ARL13B: variants seen among roughly 807,000 people sequenced by gnomAD.
ARL13B encodes the protein ARF like GTPase 13B.
A neutral mutation model predicts 56.1 loss-of-function variants in ARL13B; 36 were observed. The ratio of observed to expected loss-of-function variants is 0.64; its 90% CI spans 0.49 to 0.85. The LOEUF (loss-of-function observed/expected upper bound fraction) is 0.85. Ranked by LOEUF, ARL13B falls within the 40% of genes least tolerant of loss-of-function variation. The probability of loss-of-function intolerance (pLI) is 0.00; values close to 1 mark genes in which losing one functional copy is unlikely to be tolerated. For missense variants in ARL13B, 519 were observed against 507.1 expected, an observed-to-expected ratio of 1.02 and a Z score of -0.23; for synonymous variants, 178 against 171.1, an observed-to-expected ratio of 1.04 and a Z score of -0.32.
intron 2 of ARL13B, 28 bp downstream of exon 2, chr3:93,995,972 T>C: frequency 6.3e-7 from 1 of 1,598,402 alleles, no homozygotes; most frequent in South Asian, 1.1e-5. Flanking sequence ...ATGTGCTTTC[T>C]GAACTCTATT....
intron 3 of ARL13B, among the ~76,000 whole-genome samples, chr3:94,012,316 G>T (rs1437298797): frequency 6.6e-6 from 1 of 152,136 alleles, no homozygotes; most frequent in Non-Finnish European, 1.5e-5. Context: ...AGTCATTTCA[G>T]ATTCTCTGGA....
At position 94,006,107 on chromosome 3, in the gene ARL13B, C is replaced by G. The variant is rs2076129879; in HGVS notation, c.380+2199C>G. 2.6e-5 allele frequency among the ~76,000 whole-genome samples: 4 copies of G among 152,102 alleles called. No individual in the cohort carries two copies. The South Asian group carries it at 8.3e-4, about 32-fold the overall frequency. ...CGAGGTCAGGAGGATCGAGACCATC[C>G]TGGCTAACATGGTGAAACTCTGTCT... is the stretch of plus-strand genomic sequence containing the variant. On this transcript the variant is annotated intron_variant, in intron 3 of 9. Transcript: ENST00000394222.
chr3:94,000,963 G>A (rs2107418642), intron 2 of ARL13B, among the ~76,000 whole-genome samples: 1 of 152,250 alleles, frequency 6.6e-6, no homozygotes, highest in East Asian at 1.9e-4. Flanking sequence ...AAGGGTGGAT[G>A]TATGGGACAG....
chr3:94,034,962 A>G (rs2076740764), intron 3 of ARL13B, among the ~76,000 whole-genome samples: 1 of 152,188 alleles, frequency 6.6e-6, no homozygotes, highest in Admixed American at 6.5e-5. Flanking sequence ...CAGGCCAGGC[A>G]TGGTGGATGA....
At chr3:93,998,342 T>G (rs1236721791) in intron 2 of ARL13B, among the ~76,000 whole-genome samples, 1 of 152,232 alleles carries the variant, frequency 6.6e-6, no homozygotes, top group Non-Finnish European at 1.5e-5. Context: ...CTTTCTCTTA[T>G]GTATTCCACC....
chr3:93,991,174 C>G (rs1452141223), intron 1 of ARL13B, among the ~76,000 whole-genome samples: 1 of 152,106 alleles, frequency 6.6e-6, no homozygotes, highest in East Asian at 1.9e-4. Context: ...GATTTTATTG[C>G]TAGTGTCAAC....
At chr3:93,984,589 AAAC>A (rs1471527681) in intron 1 of ARL13B, among the ~76,000 whole-genome samples, 1 of 152,150 alleles carries the variant, frequency 6.6e-6, no homozygotes, top group African/African-American at 2.4e-5. Flanking sequence ...CTTTCATTAA[AAAC>A]AAATTTGTGT....
rs572565080 is a variant in ARL13B, at chr3:94,050,996, G to T, written c.1210+104G>T. On this transcript the variant is annotated intron_variant, in intron 9 of 9. Transcript: ENST00000394222. ...ACTTATGTTTTAGTTTTAGAAGCTTGTCAAATCCACAGCTATCCTTTTTCA... is the reference window on the plus strand; with the variant it reads ...ACTTATGTTTTAGTTTTAGAAGCTTTTCAAATCCACAGCTATCCTTTTTCA... 5,487 of 1,055,328 alleles carry T rather than the reference G, an allele frequency of 5.2e-3. 27 individuals are homozygous for T. Among genetic ancestry groups the T allele is most frequent in the Non-Finnish European group, 6.9e-3 (4,883 of 707,040 alleles). 65.4% of individuals were successfully genotyped at this position (1,055,328 alleles called of 1,614,324 possible). A position where few individuals can be genotyped will look rare whatever the true frequency, so the allele number is the denominator to read the frequency against.
At chr3:94,040,961 A>G (rs1050918648) in intron 6 of ARL13B, among the ~76,000 whole-genome samples, 1 of 152,192 alleles carries the variant, frequency 6.6e-6, no homozygotes, top group African/African-American at 2.4e-5. Context: ...ACGACATAGT[A>G]TATATCACAT....
chr3:94,009,317 A>G (rs9990106), intron 3 of ARL13B, among the ~76,000 whole-genome samples: 6,709 of 152,102 alleles, frequency 0.044, 235 homozygotes, highest in African/African-American at 0.097. Context: ...TACTTTTTCA[A>G]CATGAGATTT....
chr3:93,983,373 T>G (rs1710305706), intron 1 of ARL13B, among the ~76,000 whole-genome samples: 1 of 152,226 alleles, frequency 6.6e-6, no homozygotes, highest in African/African-American at 2.4e-5. Flanking sequence ...GGGTTTGGTA[T>G]GGCCCCATTC....
intron 1 of ARL13B, among the ~76,000 whole-genome samples, chr3:93,990,459 A>G (rs1486009181): frequency 2.0e-5 from 3 of 152,176 alleles, no homozygotes; most frequent in Admixed American, 1.3e-4. Flanking sequence ...TTTATGTTGT[A>G]TATACAATAG....
At chr3:94,009,095 A>AGATC (rs1476397235) in intron 3 of ARL13B, among the ~76,000 whole-genome samples, 8 of 151,628 alleles carry the variant, frequency 5.3e-5, no homozygotes, top group African/African-American at 1.9e-4. Context: ...ATAGATAGAT[A>AGATC]GATAGATAGA....
In ARL13B at chr3:94,049,508, C is replaced by A. The variant is rs1174703109; in HGVS notation, c.1127C>A (p.Pro376Gln). 2.5e-6 allele frequency: 4 copies of A among 1,603,482 alleles called. No individual in the cohort carries two copies. Among genetic ancestry groups the A allele is most frequent in the Non-Finnish European group, 3.4e-6 (4 of 1,172,142 alleles). Residue 376 changes from proline (P) to glutamine (Q), a missense_variant, in exon 8 of 10, where the codon CCA (proline) becomes CAA (glutamine). Pro to Gln is a moderately conservative substitution (Grantham distance 76). Coordinates refer to ENST00000394222, the MANE Select transcript of ARL13B (RefSeq NM_001174150.2). ...GCTCCTGAGAGTCCAACGCCACCCC[C>A]ACCCCCTCCTCCTGGTGAGTAAATT... The part of the protein sequence containing the change: ...DCAPESPTPP[P>Q]PPPPVGWGTP...
chr3:94,055,613 AT>A lies in ARL13B; in HGVS notation c.*2352del. The A allele has an allele frequency of 2.2e-6, 1 of 453,922 alleles. No homozygotes were observed. The highest frequency in any genetic ancestry group is 4.4e-6 in the Non-Finnish European group (1 of 226,656). 28.1% of individuals were successfully genotyped at this position (453,922 alleles called of 1,614,324 possible). A position where few individuals can be genotyped will look rare whatever the true frequency, so the allele number is the denominator to read the frequency against. Reference sequence around the variant, plus strand: ...GTGTGCCTTTATGTGTAAAATGCATATTACGTAGTATACATGATATTGTATG... The same window carrying A: ...GTGTGCCTTTATGTGTAAAATGCATATACGTAGTATACATGATATTGTATG... On this transcript the variant is annotated 3_prime_UTR_variant, in exon 10 of 10. Transcript: ENST00000394222.
chr3:93,980,398 G>C lies in ARL13B; in HGVS notation c.-26G>C. 1.9e-6 allele frequency: 3 copies of C among 1,610,932 alleles called. No homozygotes were observed. Among genetic ancestry groups the C allele is most frequent in the Non-Finnish European group, 2.5e-6 (3 of 1,179,948 alleles). Reference sequence around the variant, plus strand: ...CCGGTGTCCGCTCCGGGCTCGGATGGGAAGTGGTGGGAGGAGCGACCCGGG... The same window carrying C: ...CCGGTGTCCGCTCCGGGCTCGGATGCGAAGTGGTGGGAGGAGCGACCCGGG... On this transcript the variant is annotated 5_prime_UTR_variant, in exon 1 of 10. Transcript: ENST00000394222.
intron 2 of ARL13B, 46 bp from the exon 3 acceptor site, chr3:94,003,613 A>G (rs775379513): frequency 6.2e-7 from 1 of 1,600,512 alleles, no homozygotes; most frequent in South Asian, 1.1e-5. Flanking sequence ...TAACGTTGTC[A>G]ATTAAAGTCT....
rs1289665318 is a variant in ARL13B at position 94,029,345 on chromosome 3, TTTTA to T, written c.381-5982_381-5979del. On this transcript the variant is annotated intron_variant, in intron 3 of 9. Coordinates refer to ENST00000394222, the MANE Select transcript of ARL13B (RefSeq NM_001174150.2). ...ATATATATATATATATTTATTTTTT[TTTTA>T]TTTTTTTTTTTTTTTGAGAAGGAGT... is the stretch of plus-strand genomic sequence containing the variant. 6.1e-3 allele frequency among the ~76,000 whole-genome samples: 634 copies of T among 104,372 alleles called. 25 individuals are homozygous for T. Among genetic ancestry groups the T allele is most frequent in the African/African-American group, 0.028 (572 of 20,618 alleles). The allele number at this position is 104,372 out of a possible 152,430, so 68.5% of individuals were successfully genotyped here.
intron 3 of ARL13B, among the ~76,000 whole-genome samples, chr3:94,023,684 T>A (rs973112728): frequency 1.3e-5 from 2 of 152,148 alleles, no homozygotes; most frequent in African/African-American, 4.8e-5. Flanking sequence ...TTTAGACATA[T>A]CTACTTGATT....
Sources: allele counts gnomAD v4.1 joint callset (sites outside exome capture counted in the v4.1 genomes callset), GRCh38; gene constraint gnomAD v4.1.1; transcripts MANE v1.5; gene names NCBI Gene and HGNC (gene_info 2026-07-23, HGNC 2026-07-21).